GLG1: variants seen among roughly 807,000 people sequenced by gnomAD.
The protein encoded by GLG1 is Golgi apparatus protein 1.
In GLG1, 38 loss-of-function variants were observed where a neutral mutation model predicts 160.5. The ratio of observed to expected loss-of-function variants is 0.24; its 90% CI spans 0.18 to 0.31. The LOEUF (loss-of-function observed/expected upper bound fraction) is 0.31, where lower values mean the gene tolerates loss of function less well. Among genes scored for constraint, GLG1 ranks in the 10% least tolerant of loss-of-function variants. The pLI, the probability that GLG1 is intolerant of heterozygous loss-of-function variation, is 1.00. For synonymous variants in GLG1, 644 were observed against 543.4 expected (o/e 1.19, Z -2.57); for missense variants, 1,373 against 1,505.2 (o/e 0.91, Z 1.45).
rs1324733349 is a variant in GLG1 at position 74,485,904 on chromosome 16, A to G, written c.1463T>C (p.Ile488Thr). The change falls in exon 9 of 26, where the codon ATT becomes ACT. Residue 488 changes from isoleucine (I) to threonine (T), a missense_variant. By Grantham distance (89) the Ile-to-Thr change is moderately conservative (BLOSUM62 -1). Transcript: ENST00000422840. ...MNCQQALQTLIQETDPGADYR... is the reference protein window; with the variant it reads ...MNCQQALQTLTQETDPGADYR... Reference sequence around the variant, plus strand: ...ATCTGCACCAGGGTCAGTCTCCTGAATCAGTGTTTGAAGCTGAATTAAAAT... The same window carrying G: ...ATCTGCACCAGGGTCAGTCTCCTGAGTCAGTGTTTGAAGCTGAATTAAAAT... 1 of 1,612,156 alleles carries G rather than the reference A, an allele frequency of 6.2e-7. No homozygotes were observed. The highest frequency in any genetic ancestry group is 8.5e-7 in the Non-Finnish European group (1 of 1,178,776).
intron 1 of GLG1, among the ~76,000 whole-genome samples, chr16:74,581,650 A>C (rs940514920): frequency 3.3e-5 from 5 of 152,048 alleles, no homozygotes; most frequent in Non-Finnish European, 7.4e-5. Flanking sequence ...TTTCAAGATT[A>C]AGGAAACCCC....
At chr16:74,597,184 G>C (rs1597384804) in intron 1 of GLG1, among the ~76,000 whole-genome samples, 1 of 149,400 alleles carries the variant, frequency 6.7e-6, no homozygotes, top group East Asian at 2.0e-4. Flanking sequence ...TGTAATCCCA[G>C]CACTTTGGGA....
rs2014249893 is a variant in GLG1 at position 74,450,582 on chromosome 16, G to A, written c.*2585C>T. 1 of 152,220 alleles carries A rather than the reference G, an allele frequency of 6.6e-6. No homozygotes were observed. Among genetic ancestry groups the A allele is most frequent in the African/African-American group, 2.4e-5 (1 of 41,450 alleles). The allele number at this position is 152,220 out of a possible 1,614,324, so 9.4% of individuals were successfully genotyped here. The stretch of plus-strand genomic sequence containing the variant: ...GACAAATGTTTTGGCCAGGCAGGGT[G>A]GCTCACACCTGTAATCCCAGCACTT... On this transcript the variant is annotated 3_prime_UTR_variant, in exon 26 of 26. Coordinates refer to ENST00000422840, the MANE Select transcript of GLG1 (RefSeq NM_001145667.2).
At chr16:74,486,918 T>A (rs1219143804) in intron 8 of GLG1, among the ~76,000 whole-genome samples, 1 of 138,992 alleles carries the variant, frequency 7.2e-6, no homozygotes, top group African/African-American at 2.5e-5. Context: ...AGAAATCTTT[T>A]TTTTTTCCCC....
chr16:74,497,519 G>A (rs2016240983), intron 4 of GLG1, among the ~76,000 whole-genome samples: 4 of 135,710 alleles, frequency 2.9e-5, no homozygotes, highest in South Asian at 4.9e-4. Flanking sequence ...CTCACTGCAC[G>A]CTCCCACTCC....
intron 18 of GLG1, 144 bp from the exon 19 acceptor site, chr16:74,465,957 C>A: frequency 1.3e-6 from 1 of 768,714 alleles, no homozygotes; most frequent in Middle Eastern, 2.4e-4. Context: ...GATTTCCTTA[C>A]CAAAGATAAG....
chr16:74,459,820 C>T (rs766244274), intron 22 of GLG1, 31 bp from the exon 23 acceptor site: 1 of 1,091,492 alleles, frequency 9.2e-7, no homozygotes, highest in East Asian at 2.4e-5. Flanking sequence ...ACAAAGCTAC[C>T]CCACTGAGCA....
intron 1 of GLG1, among the ~76,000 whole-genome samples, chr16:74,533,705 T>C (rs71391097): frequency 2.0e-5 from 3 of 152,102 alleles, no homozygotes; most frequent in African/African-American, 4.8e-5. Context: ...TGCTTGAACC[T>C]AGGAAACAGA....
intron 1 of GLG1, among the ~76,000 whole-genome samples, chr16:74,571,308 G>A (rs2018819994): frequency 6.6e-6 from 1 of 152,084 alleles, no homozygotes; most frequent in African/African-American, 2.4e-5. Flanking sequence ...GAGAGATAAG[G>A]GATCCCATTG....
At chr16:74,468,669 T>C (rs1316849535) in intron 17 of GLG1, 5 of 389,024 alleles carry the variant, frequency 1.3e-5, no homozygotes, top group African/African-American at 4.0e-5. Flanking sequence ...ACCCAGCCCC[T>C]GAGGACATTA....
At chr16:74,588,047 A>C (rs927825361) in intron 1 of GLG1, among the ~76,000 whole-genome samples, 3 of 152,188 alleles carry the variant, frequency 2.0e-5, no homozygotes, top group African/African-American at 7.2e-5. Flanking sequence ...GTGAACCTGA[A>C]GATCAGCAAT....
rs899966934 is a variant in GLG1, at chr16:74,452,585, G to C, written c.*582C>G. 2.0e-6 allele frequency: 2 copies of C among 1,000,268 alleles called. No homozygotes were observed. The highest frequency in any genetic ancestry group is 4.4e-5 in the South Asian group (1 of 22,684). The allele number at this position is 1,000,268 out of a possible 1,614,324, so 62.0% of individuals were successfully genotyped here. On this transcript the variant is annotated 3_prime_UTR_variant, in exon 26 of 26. Transcript: ENST00000422840. ...AAAGCAGGACCCCACACAGCCTGGG[G>C]AACGGCTGCCCACCCACGCCTCGGT...
At chr16:74,542,782 G>GAAGGAAGGAAGGA (rs2017937026) in intron 1 of GLG1, among the ~76,000 whole-genome samples, 3 of 147,140 alleles carry the variant, frequency 2.0e-5, no homozygotes, top group Admixed American at 1.3e-4. Context: ...AGGAAGGAAG[G>GAAGGAAGGAAGGA]AAGGAAGGAA....
chr16:74,494,366 G>C (rs1033243773), intron 6 of GLG1, among the ~76,000 whole-genome samples: 1 of 145,170 alleles, frequency 6.9e-6, no homozygotes, highest in Non-Finnish European at 1.5e-5. Context: ...TTCGGTATAA[G>C]ATTATAAGAA....
intron 2 of GLG1, among the ~76,000 whole-genome samples, chr16:74,512,438 A>T (rs4888251): frequency 0.96 from 145,428 of 152,034 alleles, 69,902 homozygotes; most frequent in East Asian, 1. Context: ...TACATTTTTG[A>T]ATTTTTAGTA....
In GLG1 at chr16:74,594,790, A is replaced by C. The variant is rs182593243; in HGVS notation, c.438+11867T>G. ...ACTCTCACTCTGTTGCCCAGGCTGG[A>C]GGGCAGTGGCACGATCTCAAAATGT... On this transcript the variant is annotated intron_variant, in intron 1 of 25. Transcript: ENST00000422840. Among the ~76,000 whole-genome samples the C allele has an allele frequency of 1.5e-3, 223 of 152,268 alleles. 2 individuals carry two copies. Among genetic ancestry groups the C allele is most frequent in the Non-Finnish European group, 6.5e-4 (44 of 68,020 alleles).
chr16:74,467,269 A>T (rs1275460245), intron 18 of GLG1, among the ~76,000 whole-genome samples: 8 of 152,232 alleles, frequency 5.3e-5, no homozygotes, highest in Admixed American at 5.2e-4. Context: ...TAACGAGAAC[A>T]TTTTTTTAAA....
At chr16:74,587,021 C>A (rs990190661) in intron 1 of GLG1, among the ~76,000 whole-genome samples, 10 of 152,164 alleles carry the variant, frequency 6.6e-5, no homozygotes, top group Admixed American at 6.6e-4. Flanking sequence ...CTAACAAATT[C>A]TCCCCATTCC....
At chr16:74,476,236 T>C (rs553311074) in intron 12 of GLG1, among the ~76,000 whole-genome samples, 7 of 152,276 alleles carry the variant, frequency 4.6e-5, no homozygotes, top group East Asian at 3.9e-4. Flanking sequence ...GGCTGCAATG[T>C]AGTGCAGCTT....
Sources: gnomAD v4.1 joint callset for allele counts (sites outside exome capture counted in the v4.1 genomes callset) on GRCh38, gnomAD v4.1.1 for gene constraint, MANE v1.5 for transcripts, NCBI Gene and HGNC (gene_info 2026-07-23, HGNC 2026-07-21) for gene names.